The following BPTF variants were observed in gnomAD, a reference collection of about 807,000 sequenced individuals.
The protein encoded by BPTF is bromodomain PHD finger transcription factor.
Under a neutral mutation model 292.5 loss-of-function variants are expected in BPTF, and 18 were observed. The ratio of observed to expected loss-of-function variants is 0.06; its 90% confidence interval spans 0.04 to 0.09. The LOEUF (loss-of-function observed/expected upper bound fraction) is 0.09. Among genes scored for constraint, BPTF ranks in the 10% least tolerant of loss-of-function variants. The pLI, the probability that BPTF is intolerant of heterozygous loss-of-function variation, is 1.00. For synonymous variants in BPTF, 1,225 were observed against 1,251.9 expected, an observed-to-expected ratio of 0.98 and a Z score of 0.45; for missense variants, 2,726 against 3,498.7, an observed-to-expected ratio of 0.78 and a Z score of 5.57.
Position 67,912,648 on chromosome 17 carries a change from C to G in BPTF, c.4764C>G (p.Val1588=), listed in dbSNP as rs2062728758. ...ESKRKTVITE[V]TTMTSTVATE... ...AAAGAAAAACCGTCATCACAGAAGT[C>G]ACCACGATGACCTCCACAGTGGCCA... Residue 1588 remains valine, a synonymous_variant, in exon 11 of 28, where the codon GTC becomes GTG. Transcript: ENST00000306378. The G allele has an allele frequency of 6.2e-7, 1 of 1,614,018 alleles. No homozygotes were observed. Among genetic ancestry groups the G allele is most frequent in the Non-Finnish European group, 8.5e-7 (1 of 1,180,018 alleles).
intron 8 of BPTF, 116 bp from the exon 9 acceptor site, chr17:67,904,586 A>T: frequency 1.3e-6 from 1 of 744,330 alleles, no homozygotes; most frequent in Non-Finnish European, 2.0e-6. Flanking sequence ...GGGGATGATT[A>T]GTAAATTTCA....
chr17:67,937,202 T>C (rs57831909), intron 18 of BPTF, among the ~76,000 whole-genome samples: 15,308 of 152,162 alleles, frequency 0.1, 2,633 homozygotes, highest in African/African-American at 0.35. Flanking sequence ...ACGCCTAATA[T>C]ACCAGCACTT....
At chr17:67,836,886 C>G (rs1976053) in intron 1 of BPTF, among the ~76,000 whole-genome samples, 51,976 of 152,064 alleles carry the variant, frequency 0.34, 11,243 homozygotes, top group East Asian at 0.67. Context: ...TGTAATTTCA[C>G]ATACATATTT....
intron 4 of BPTF, among the ~76,000 whole-genome samples, chr17:67,879,794 C>G (rs1290222844): frequency 1.3e-5 from 2 of 152,098 alleles, no homozygotes; most frequent in Admixed American, 1.3e-4. Flanking sequence ...GGCTCTTTTT[C>G]TAACAGTCAG....
chr17:67,840,999 G>A (rs1313509620), intron 1 of BPTF, among the ~76,000 whole-genome samples: 1 of 152,164 alleles, frequency 6.6e-6, no homozygotes. Context: ...TTTTCCCAGA[G>A]CATAAGTTTT....
At chr17:67,873,858 T>G (rs2059899642) in intron 3 of BPTF, among the ~76,000 whole-genome samples, 1 of 152,186 alleles carries the variant, frequency 6.6e-6, no homozygotes, top group Admixed American at 6.5e-5. Context: ...GATTGTGACT[T>G]CTAACATCAT....
intron 23 of BPTF, 60 bp from the exon 24 acceptor site, chr17:67,959,481 C>A (rs1418689504): frequency 1.2e-5 from 17 of 1,362,264 alleles, no homozygotes; most frequent in Non-Finnish European, 1.5e-5. Context: ...CATCTTCTGG[C>A]CAGATCACAC....
intron 22 of BPTF, 32 bp downstream of exon 22, chr17:67,947,840 C>A: frequency 1.3e-6 from 2 of 1,532,002 alleles, no homozygotes; most frequent in South Asian, 1.2e-5. Context: ...GTTGTCTGTC[C>A]GTCTCTTCTC....
At chr17:67,883,469 A>G (rs2060552732) in intron 4 of BPTF, among the ~76,000 whole-genome samples, 1 of 152,094 alleles carries the variant, frequency 6.6e-6, no homozygotes, top group South Asian at 2.1e-4. Context: ...ATTGAAAACT[A>G]TGTAACGGGA....
In BPTF at chr17:67,843,754, CTTTTTTTTT is replaced by C. The variant is rs56335701; in HGVS notation, c.614-10166_614-10158del. Among the ~76,000 whole-genome samples the C allele has an allele frequency of 1.5e-3, 92 of 62,212 alleles. 1 individual carries two copies. Among genetic ancestry groups the C allele is most frequent in the Admixed American group, 3.0e-3 (17 of 5,730 alleles). 40.8% of individuals were successfully genotyped at this position (62,212 alleles called of 152,430 possible). A position where few individuals can be genotyped will look rare whatever the true frequency, so the allele number is the denominator to read the frequency against. On this transcript the variant is annotated intron_variant, in intron 1 of 27. Transcript: ENST00000306378. ...TTTTTAAATTGTCTGGAGCAGTTGT[CTTTTTTTTT>C]TTTTTTTTTTTTTTTTTTTGAGATG...
chr17:67,914,762 C>A (rs2062870335), intron 11 of BPTF, among the ~76,000 whole-genome samples: 1 of 152,148 alleles, frequency 6.6e-6, no homozygotes, highest in Non-Finnish European at 1.5e-5. Flanking sequence ...CCCTGTTCTG[C>A]ACAGCTGAAT....
At chr17:67,910,553 A>C (rs567175946) in intron 10 of BPTF, among the ~76,000 whole-genome samples, 2 of 152,184 alleles carry the variant, frequency 1.3e-5, no homozygotes, top group East Asian at 3.8e-4. Context: ...TAATCTCAGC[A>C]CTTTGGGAGG....
At chr17:67,846,006 T>C (rs1201326729) in intron 1 of BPTF, among the ~76,000 whole-genome samples, 1 of 152,098 alleles carries the variant, frequency 6.6e-6, no homozygotes, top group Non-Finnish European at 1.5e-5. Flanking sequence ...TTAAACTTTT[T>C]CGAAGCCAAA....
intron 7 of BPTF, among the ~76,000 whole-genome samples, chr17:67,899,693 G>T (rs958886074): frequency 6.6e-6 from 1 of 151,960 alleles, no homozygotes; most frequent in Non-Finnish European, 1.5e-5. Flanking sequence ...ACCACGACCA[G>T]CTAATTTTTG....
At chr17:67,939,799 G>A (rs1198322754) in intron 18 of BPTF, among the ~76,000 whole-genome samples, 3 of 152,210 alleles carry the variant, frequency 2.0e-5, no homozygotes, top group African/African-American at 7.2e-5. Context: ...AGAATCGCTT[G>A]AACCCAGGAG....
intron 26 of BPTF, among the ~76,000 whole-genome samples, chr17:67,970,440 A>G (rs2068640093): frequency 6.6e-6 from 1 of 152,192 alleles, no homozygotes; most frequent in Non-Finnish European, 1.5e-5. Flanking sequence ...ATACTAAGTT[A>G]AACATAATCT....
At chr17:67,942,739 C>T (rs1555672554) in intron 19 of BPTF, among the ~76,000 whole-genome samples, 1 of 152,150 alleles carries the variant, frequency 6.6e-6, no homozygotes, top group Non-Finnish European at 1.5e-5. Flanking sequence ...CTATCAAAAT[C>T]AGTTAGCTAA....
intron 13 of BPTF, among the ~76,000 whole-genome samples, chr17:67,922,100 T>C (rs1261393432): frequency 6.6e-6 from 1 of 152,048 alleles, no homozygotes; most frequent in African/African-American, 2.4e-5. Flanking sequence ...GAGACACAGA[T>C]GGGAGATGTA....
Position 67,932,198 on chromosome 17 carries a change from A to C in BPTF, c.6259+179A>C, listed in dbSNP as rs192486520. On this transcript the variant is annotated intron_variant, in intron 18 of 27. Transcript: ENST00000306378. ...GATATTATTTCATTTTGACATTGAC[A>C]GTAAAATAGGTTGAAGTATGCTTAT... Among the ~76,000 whole-genome samples the C allele has an allele frequency of 2.0e-3, 301 of 152,380 alleles. 1 individual carries two copies. The highest frequency in any genetic ancestry group is 3.8e-3 in the Non-Finnish European group (259 of 68,040).
Sources: gnomAD v4.1 joint callset for allele counts (sites outside exome capture counted in the v4.1 genomes callset) on GRCh38, gnomAD v4.1.1 for gene constraint, MANE v1.5 for transcripts, NCBI Gene and HGNC (gene_info 2026-07-23, HGNC 2026-07-21) for gene names.